The following ZNF177 variants were observed in gnomAD, a reference collection of about 807,000 sequenced individuals.
The protein encoded by ZNF177 is zinc finger protein 177.
A neutral mutation model predicts 19.4 loss-of-function variants in ZNF177; 17 were observed. The observed-to-expected ratio is 0.87, with a 90% CI of 0.60 to 1.31. The LOEUF (loss-of-function observed/expected upper bound fraction) is 1.31, where lower values mean the gene tolerates loss of function less well. Ranked by LOEUF, ZNF177 falls within the 40% of genes most tolerant of loss-of-function variation. The pLI is 0.00. For synonymous variants in ZNF177, 220 were observed against 188.7 expected (o/e 1.17, Z -1.36); for missense variants, 633 against 561.8 (o/e 1.13, Z -1.28).
chr19:9,379,822 C>T (rs1599394883), intron 4 of ZNF177: 1 of 664,590 alleles, frequency 1.5e-6, no homozygotes, highest in Admixed American at 4.2e-5. Context: ...TCCATGAATG[C>T]TTTTTGCCAG....
At chr19:9,382,239 G>A (rs985162724), downstream of ZNF177, 41 of 403,478 alleles carry the variant, frequency 1.0e-4, no homozygotes, top group South Asian at 3.7e-4. Flanking sequence ...AGCTGTGAGC[G>A]GCCAAATATG....
chr19:9,379,850 C>T (rs530201025), intron 4 of ZNF177, among the ~76,000 whole-genome samples: 6 of 60,210 alleles, frequency 1.0e-4, no homozygotes, highest in African/African-American at 3.7e-4. Context: ...TGTCTTATTT[C>T]CCAACCTCCA....
intron 2 of ZNF177, chr19:9,378,754 C>A: frequency 2.6e-6 from 2 of 765,046 alleles, no homozygotes; most frequent in Non-Finnish European, 3.8e-6. Flanking sequence ...TTGACCATGA[C>A]CCTGAATGAG....
chr19:9,372,031 CT>C (rs1203394655), upstream of ZNF177, among the ~76,000 whole-genome samples: 1 of 152,160 alleles, frequency 6.6e-6, no homozygotes, highest in Non-Finnish European at 1.5e-5. Context: ...TTAGCTATGT[CT>C]TACACATGGT....
intron 2 of ZNF177, among the ~76,000 whole-genome samples, chr19:9,365,925 G>A (rs2067972774): frequency 6.6e-6 from 1 of 152,160 alleles, no homozygotes. Context: ...GAGGTCATAG[G>A]TGGATCTTTC....
chr19:9,378,835 T>G, intron 2 of ZNF177, 127 bp from the exon 5 acceptor site: 1 of 1,384,934 alleles, frequency 7.2e-7, no homozygotes. Flanking sequence ...AGAAGGCCTC[T>G]GATGCATGTC....
At chr19:9,367,248 G>A (rs943809831) in intron 2 of ZNF177, among the ~76,000 whole-genome samples, 4 of 152,016 alleles carry the variant, frequency 2.6e-5, no homozygotes, top group Admixed American at 6.6e-5. Flanking sequence ...TGAACCTGGC[G>A]AGGTTGCAGT....
At chr19:9,378,979 G>A (rs1300013706) in exon 3 of ZNF177, 1 of 1,607,844 alleles carries the variant, frequency 6.2e-7, no homozygotes. Flanking sequence ...TAACCTTCCA[G>A]GAAGTGGCAG....
At chr19:9,368,672 C>T (rs1204586513) in intron 2 of ZNF177, among the ~76,000 whole-genome samples, 1 of 152,052 alleles carries the variant, frequency 6.6e-6, no homozygotes, top group Non-Finnish European at 1.5e-5. Context: ...TAGCTACATT[C>T]TACAAGTTGT....
chr19:9,370,445 A>C (rs578209898), intron 2 of ZNF177, among the ~76,000 whole-genome samples: 1 of 150,146 alleles, frequency 6.7e-6, no homozygotes, highest in Admixed American at 6.7e-5. Flanking sequence ...ATGGGGTCTC[A>C]TTCTGTTGCT....
chr19:9,381,262 C>T (rs559383118), exon 6 of ZNF177: 1 of 1,614,056 alleles, frequency 6.2e-7, no homozygotes, highest in Non-Finnish European at 8.5e-7. Context: ...TGGAGAGAAG[C>T]CTTATGAGTG....
exon 6 of ZNF177, chr19:9,380,955 A>G: frequency 1.9e-6 from 3 of 1,538,724 alleles, no homozygotes; most frequent in Non-Finnish European, 2.6e-6. Context: ...AGTATGAGCA[A>G]TGTGATATGT....
At chr19:9,378,035 A>G (rs1255972436) in intron 1 of ZNF177, among the ~76,000 whole-genome samples, 1 of 152,234 alleles carries the variant, frequency 6.6e-6, no homozygotes, top group African/African-American at 2.4e-5. Context: ...GTTAGCAGTC[A>G]TAAGCCTTTT....
chr19:9,365,348 A>G (rs967451225), intron 2 of ZNF177, among the ~76,000 whole-genome samples: 1 of 151,156 alleles, frequency 6.6e-6, no homozygotes, highest in Non-Finnish European at 1.5e-5. Flanking sequence ...CATGGAGAGA[A>G]GGGGTGGGGG....
At chr19:9,364,501 C>G (rs1380057299) in intron 1 of ZNF177, among the ~76,000 whole-genome samples, 2 of 151,938 alleles carry the variant, frequency 1.3e-5, no homozygotes, top group Non-Finnish European at 1.5e-5. Flanking sequence ...CTCTTTTTGT[C>G]GTGTCGGTGT....
chr19:9,378,816 C>T, intron 2 of ZNF177, 146 bp from the exon 5 acceptor site: 1 of 1,279,946 alleles, frequency 7.8e-7, no homozygotes, highest in Admixed American at 2.8e-5. Flanking sequence ...AGCTTTAAGG[C>T]AAATTAAGAG....
chr19:9,373,994 A>G (rs868194690), upstream of ZNF177, among the ~76,000 whole-genome samples: 1 of 152,164 alleles, frequency 6.6e-6, no homozygotes, highest in Non-Finnish European at 1.5e-5. Flanking sequence ...GTCAAAATTA[A>G]TATCAAAGAG....
intron 2 of ZNF177, among the ~76,000 whole-genome samples, chr19:9,369,086 T>C (rs1413037676): frequency 3.3e-5 from 5 of 152,104 alleles, no homozygotes; most frequent in South Asian, 2.1e-4. Flanking sequence ...TACAGTATGG[T>C]CAGTTTTTAT....
At chr19:9,367,312 CAAAA>C (rs892758051) in intron 2 of ZNF177, among the ~76,000 whole-genome samples, 1 of 142,730 alleles carries the variant, frequency 7.0e-6, no homozygotes, top group Non-Finnish European at 1.5e-5. Context: ...AAGAGTGTCT[CAAAA>C]AAAAAATAAA....
Sources: allele counts gnomAD v4.1 joint callset (sites outside exome capture counted in the v4.1 genomes callset), GRCh38; gene constraint gnomAD v4.1.1; transcripts MANE v1.5; gene names NCBI Gene and HGNC (gene_info 2026-07-23, HGNC 2026-07-21).